WDR43: variants seen among roughly 807,000 people sequenced by gnomAD.
The protein encoded by WDR43 is WD repeat-containing protein 43.
Under a neutral mutation model 91.4 loss-of-function variants are expected in WDR43, and 13 were observed. The observed-to-expected ratio is 0.14, with a 90% CI of 0.09 to 0.23. The LOEUF is 0.23. Among genes scored for constraint, WDR43 ranks in the 10% least tolerant of loss-of-function variants. WDR43 has a pLI of 1.00. For synonymous variants in WDR43, 331 were observed against 287.9 expected (o/e 1.15, Z -1.51); for missense variants, 780 against 809.4 (o/e 0.96, Z 0.44).
intron 11 of WDR43, among the ~76,000 whole-genome samples, chr2:28,931,767 G>A (rs1326194504): frequency 6.6e-6 from 1 of 151,496 alleles, no homozygotes; most frequent in Non-Finnish European, 1.5e-5. Context: ...TTCTTAAATT[G>A]TATAGGTTAC....
chr2:28,935,555 A>G lies in WDR43; in HGVS notation c.1472A>G (p.Lys491Arg). 6.2e-7 allele frequency: 1 copy of G among 1,601,436 alleles called. No homozygotes were observed. Among genetic ancestry groups the G allele is most frequent in the South Asian group, 1.1e-5 (1 of 87,638 alleles). The change falls in exon 12 of 18, where the codon AAG becomes AGG. Residue 491 changes from lysine (K) to arginine (R), a missense_variant. By Grantham distance (26) the Lys-to-Arg change is conservative. This residue lies in a region of WDR43 where 426 missense variants were observed against 467.8 expected (regional missense o/e 0.91). Coordinates refer to ENST00000407426, the MANE Select transcript of WDR43 (RefSeq NM_015131.3). ...VLQTRNVNLI[K>R]KTVLRMPLHT... Reference sequence around the variant, plus strand: ...CAAACTAGGAATGTAAACCTTATAAAGAAGACTGTATTAAGGATGCCCCTG... The same window carrying G: ...CAAACTAGGAATGTAAACCTTATAAGGAAGACTGTATTAAGGATGCCCCTG...
At chr2:28,936,728 A>G (rs1450268724) in intron 12 of WDR43, among the ~76,000 whole-genome samples, 194 bp from the exon 13 acceptor site, 1 of 152,186 alleles carries the variant, frequency 6.6e-6, no homozygotes, top group East Asian at 1.9e-4. Context: ...ACATTCCTTC[A>G]TATAAGTCCT....
chr2:28,941,597 G>T (rs1671438405), intron 15 of WDR43, 23 bp downstream of exon 15: 1 of 1,562,990 alleles, frequency 6.4e-7, no homozygotes, highest in Non-Finnish European at 8.8e-7. Flanking sequence ...TATTGTTCTG[G>T]GCTAAAACTT....
intron 1 of WDR43, among the ~76,000 whole-genome samples, chr2:28,898,745 G>T (rs4438440): frequency 4.0e-5 from 6 of 151,828 alleles, no homozygotes; most frequent in Admixed American, 2.0e-4. Flanking sequence ...ACTAGCCGTG[G>T]GAAGTTTCTC....
At chr2:28,905,814 G>C (rs1670668579) in intron 2 of WDR43, among the ~76,000 whole-genome samples, 1 of 152,024 alleles carries the variant, frequency 6.6e-6, no homozygotes, top group Admixed American at 6.6e-5. Flanking sequence ...ACAGGCATGT[G>C]CTACCACACC....
rs1256329255 is a variant in WDR43, at chr2:28,906,444, T to A, written c.364-16T>A. On this transcript the variant is annotated splice_polypyrimidine_tract_variant and intron_variant, in intron 2 of 17. Transcript: ENST00000407426. The stretch of plus-strand genomic sequence containing the variant: ...TGAGACCAGCCTTAAATTTTTTTTT[T>A]TTTTTTAATCTACAGAGTGGTGGAC... 18 of 1,517,568 alleles carry A rather than the reference T, an allele frequency of 1.2e-5. No individual in the cohort carries two copies. In the Admixed American group the frequency reaches 4.2e-4, roughly 35 times the overall value. The allele number at this position is 1,517,568 out of a possible 1,614,324, so 94.0% of individuals were successfully genotyped here. A position where few individuals can be genotyped will look rare whatever the true frequency, so the allele number is the denominator to read the frequency against.
chr2:28,935,747 CAAAAA>C (rs58846266), intron 12 of WDR43, 140 bp downstream of exon 12: 95,025 of 243,366 alleles, frequency 0.39, 10,058 homozygotes, highest in Middle Eastern at 0.44. Flanking sequence ...GTACTTTAGA[CAAAAA>C]AAAAAAAAAA....
At position 28,894,867 on chromosome 2, in the gene WDR43, C is replaced by G. The variant is rs1245026610; in HGVS notation, c.169C>G (p.His57Asp). ...RLHQEYVPSA[H>D]LSGTCTCLAW... ...GCACCAGGAGTACGTGCCTTCCGCG[C>G]ACCTCAGTGGTACCTGCACCTGTCT... The change falls in exon 1 of 18, where the codon CAC becomes GAC. Residue 57 changes from histidine (H) to aspartate (D), a missense_variant. His to Asp is a moderately conservative substitution (Grantham distance 81). Transcript: ENST00000407426. 6.2e-7 allele frequency: 1 copy of G among 1,609,752 alleles called. No individual in the cohort carries two copies. Among genetic ancestry groups the G allele is most frequent in the Admixed American group, 1.7e-5 (1 of 59,492 alleles).
At chr2:28,910,882 G>C (rs1670784046) in intron 3 of WDR43, among the ~76,000 whole-genome samples, 1 of 151,712 alleles carries the variant, frequency 6.6e-6, no homozygotes, top group African/African-American at 2.4e-5. Flanking sequence ...ATTTTTAGTA[G>C]AGACAAGGTT....
At chr2:28,925,295 A>G in intron 8 of WDR43, 142 bp downstream of exon 8, 1 of 927,592 alleles carries the variant, frequency 1.1e-6, no homozygotes. Context: ...GGAGTGGTTT[A>G]TTTTAATTTT....
chr2:28,946,892 GC>G lies in WDR43; in HGVS notation c.*114del. 1.7e-5 allele frequency: 21 copies of G among 1,261,024 alleles called. No individual in the cohort carries two copies. The highest frequency in any genetic ancestry group is 2.2e-5 in the Non-Finnish European group (21 of 939,018). The allele number at this position is 1,261,024 out of a possible 1,614,324, so 78.1% of individuals were successfully genotyped here. On this transcript the variant is annotated 3_prime_UTR_variant, in exon 18 of 18. Transcript: ENST00000407426. ...ACCGCTGCACATTTCCAAATTCACA[GC>G]AGTGGATCCCATGCCACTTTGCTGT...
chr2:28,909,163 A>G (rs1271435844), intron 3 of WDR43, among the ~76,000 whole-genome samples: 4 of 151,500 alleles, frequency 2.6e-5, no homozygotes, highest in Non-Finnish European at 4.4e-5. Context: ...CTTGAGATGG[A>G]GTTTCGCTCT....
intron 1 of WDR43, chr2:28,895,904 T>A (rs1670471744): frequency 6.6e-6 from 1 of 152,232 alleles, no homozygotes; most frequent in Admixed American, 6.5e-5. Flanking sequence ...CTGTAAAAGC[T>A]ATTTAGGATC....
intron 6 of WDR43, among the ~76,000 whole-genome samples, chr2:28,920,283 T>C: frequency 6.9e-6 from 1 of 143,898 alleles, no homozygotes; most frequent in Admixed American, 7.3e-5. Flanking sequence ...TGGAGTGTAG[T>C]GGTGCGATCT....
At chr2:28,899,633 A>G (rs182830045) in intron 1 of WDR43, among the ~76,000 whole-genome samples, 1 of 152,338 alleles carries the variant, frequency 6.6e-6, no homozygotes. Context: ...CAGGAATAAC[A>G]TGTTTAGATA....
chr2:28,926,501 G>A lies in WDR43; in HGVS notation c.1120G>A (p.Val374Ile). Residue 374 changes from valine (V) to isoleucine (I), a missense_variant, in exon 9 of 18, where the codon GTA (valine) becomes ATA (isoleucine). Around this residue, in one of 4 missense-constraint regions of WDR43, gnomAD observed 426 missense variants for 467.8 expected, o/e 0.91. Coordinates refer to ENST00000407426, the MANE Select transcript of WDR43 (RefSeq NM_015131.3). ...LNSREPHMCL[V>I]RDISNCWAPK... ...CTCCAGAGAACCTCATATGTGTTTA[G>A]TAAGAGATATTTCAAACTGCTGGGC... 6.3e-7 allele frequency: 1 copy of A among 1,598,772 alleles called. No individual in the cohort carries two copies. The highest frequency in any genetic ancestry group is 8.5e-7 in the Non-Finnish European group (1 of 1,171,936).
intron 3 of WDR43, among the ~76,000 whole-genome samples, chr2:28,908,695 A>G (rs899011981): frequency 6.6e-6 from 1 of 152,182 alleles, no homozygotes; most frequent in Non-Finnish European, 1.5e-5. Flanking sequence ...TAATTTCATT[A>G]TGTTTCCAGC....
chr2:28,922,014 C>T (rs1387526342), intron 6 of WDR43, among the ~76,000 whole-genome samples: 1 of 152,284 alleles, frequency 6.6e-6, no homozygotes, highest in East Asian at 1.9e-4. Flanking sequence ...CTGGCCCTCC[C>T]CTGACAACTG....
intron 11 of WDR43, among the ~76,000 whole-genome samples, chr2:28,931,136 C>T (rs922498636): frequency 6.8e-6 from 1 of 146,254 alleles, no homozygotes; most frequent in African/African-American, 2.5e-5. Context: ...AGTGCAGTGG[C>T]GCAATCTCGG....
Sources: gnomAD v4.1 joint callset for allele counts (sites outside exome capture counted in the v4.1 genomes callset) on GRCh38, gnomAD v4.1.1 for gene constraint, gnomAD v4.1.1 regional missense constraint, MANE v1.5 for transcripts, NCBI Gene and HGNC (gene_info 2026-07-23, HGNC 2026-07-21) for gene names.